SLC4A4: variants seen among roughly 807,000 people sequenced by gnomAD.
SLC4A4 encodes electrogenic sodium bicarbonate cotransporter 1.
SLC4A4 carries 27 observed loss-of-function variants against 111.5 expected under a neutral mutation model. The observed-to-expected ratio is 0.24, with a 90% CI of 0.18 to 0.33. The LOEUF (loss-of-function observed/expected upper bound fraction) is 0.33. SLC4A4 is among the 10% of genes least tolerant of loss of function. The pLI is 1.00. For synonymous variants in SLC4A4, 443 were observed against 463.4 expected (o/e 0.96, Z 0.57); for missense variants, 909 against 1,315.5 (o/e 0.69, Z 4.78).
chr4:71,076,664 T>C (rs1741838445), intron 1 of SLC4A4, among the ~76,000 whole-genome samples: 1 of 152,144 alleles, frequency 6.6e-6, no homozygotes, highest in Non-Finnish European at 1.5e-5. Context: ...TTAAAAGCCA[T>C]CTATTTTTGC....
At chr4:71,134,073 A>T (rs541915151) in intron 2 of SLC4A4, among the ~76,000 whole-genome samples, 1 of 152,332 alleles carries the variant, frequency 6.6e-6, no homozygotes, top group South Asian at 2.1e-4. Context: ...TACATGAATC[A>T]TCTTACCCCA....
Position 71,091,549 on chromosome 4 carries a change from G to C in SLC4A4, c.-64-1181G>C, listed in dbSNP as rs775353130. Among the ~76,000 whole-genome samples the C allele has an allele frequency of 3.3e-5, 5 of 152,126 alleles. No individual in the cohort carries two copies. The South Asian group carries it at 8.3e-4, about 25-fold the overall frequency. On this transcript the variant is annotated intron_variant, in intron 1 of 26. Transcript: ENST00000649996. ...ATTACAGGCGTGAGCCACTGCACCC[G>C]GCCTGGCCAGGAAATATTTTTAGAT...
chr4:71,542,944 C>G (rs1053188172), intron 18 of SLC4A4, among the ~76,000 whole-genome samples: 1 of 152,074 alleles, frequency 6.6e-6, no homozygotes, highest in Non-Finnish European at 1.5e-5. Context: ...TTCTGTGGTA[C>G]GCACTGTGCC....
intron 1 of SLC4A4, among the ~76,000 whole-genome samples, chr4:71,066,471 A>G (rs1741519725): frequency 6.6e-6 from 1 of 152,144 alleles, no homozygotes; most frequent in Non-Finnish European, 1.5e-5. Flanking sequence ...ATTCTAAAGG[A>G]TTTAAAGGTG....
At chr4:71,186,529 G>C (rs1445818691), upstream of SLC4A4, among the ~76,000 whole-genome samples, 1 of 152,072 alleles carries the variant, frequency 6.6e-6, no homozygotes, top group African/African-American at 2.4e-5. Context: ...GGCAAGAGCG[G>C]CCGGTCCGGA....
At chr4:71,101,316 A>G (rs902224615) in intron 2 of SLC4A4, among the ~76,000 whole-genome samples, 1 of 152,184 alleles carries the variant, frequency 6.6e-6, no homozygotes, top group Non-Finnish European at 1.5e-5. Context: ...TTAAAATCAT[A>G]AAAATGATCA....
At chr4:71,440,803 A>G (rs1212308185) in intron 8 of SLC4A4, 30 bp downstream of exon 8, 2 of 1,612,164 alleles carry the variant, frequency 1.2e-6, no homozygotes, top group South Asian at 1.1e-5. Flanking sequence ...GGGGTCTACA[A>G]TGTGCTAATA....
intron 7 of SLC4A4, among the ~76,000 whole-genome samples, chr4:71,399,529 G>GTGTCTT (rs946303251): frequency 6.3e-5 from 9 of 141,974 alleles, no homozygotes; most frequent in Admixed American, 6.1e-4. Context: ...CTCCCTGGTA[G>GTGTCTT]TGTCTTCATC....
chr4:71,194,615 A>G (rs1314815378), intron 1 of SLC4A4, among the ~76,000 whole-genome samples: 1 of 152,208 alleles, frequency 6.6e-6, no homozygotes, highest in Non-Finnish European at 1.5e-5. Flanking sequence ...TATGCCTCCA[A>G]GTAACACACA....
At chr4:71,389,401 C>T (rs979880858) in intron 6 of SLC4A4, among the ~76,000 whole-genome samples, 2 of 152,206 alleles carry the variant, frequency 1.3e-5, no homozygotes, top group Non-Finnish European at 2.9e-5. Flanking sequence ...ATTTTAGTTT[C>T]TCCCAGCTTT....
chr4:71,187,176 G>T (rs1013501446), upstream of SLC4A4: 1 of 151,970 alleles, frequency 6.6e-6, no homozygotes, highest in African/African-American at 2.4e-5. Flanking sequence ...CGCGCCCGGC[G>T]CAGACAACTT....
intron 9 of SLC4A4, 59 bp from the exon 10 acceptor site, chr4:71,450,330 G>A: frequency 8.6e-7 from 1 of 1,164,388 alleles, no homozygotes. Flanking sequence ...GGCTTGATAT[G>A]GTGTGAAGCA....
Position 71,560,140 on chromosome 4 carries a change from C to G in SLC4A4, c.2985C>G (p.Ser995=). 1 of 1,611,250 alleles carries G rather than the reference C, an allele frequency of 6.2e-7. No individual in the cohort carries two copies. Among genetic ancestry groups the G allele is most frequent in the South Asian group, 1.1e-5 (1 of 91,018 alleles). The change falls in exon 23 of 26, where the codon TCC becomes TCG. Residue 995 remains serine (S), a synonymous_variant. Coordinates refer to ENST00000264485, the MANE Select transcript of SLC4A4 (RefSeq NM_001098484.3). ...AVRKGMDYLF[S]QHDLSFLDDV... ...GAAAAGGCATGGACTACCTCTTCTC[C>G]CAGCACGACCTCAGCTTCCTGGATG...
chr4:71,410,698 A>C (rs1279972281), intron 7 of SLC4A4, among the ~76,000 whole-genome samples: 2 of 152,184 alleles, frequency 1.3e-5, no homozygotes, highest in African/African-American at 4.8e-5. Flanking sequence ...TTTTTGGAGA[A>C]GTTCAAGAGA....
intron 16 of SLC4A4, among the ~76,000 whole-genome samples, chr4:71,512,989 G>T (rs1021943796): frequency 3.3e-5 from 5 of 151,958 alleles, no homozygotes; most frequent in Non-Finnish European, 7.4e-5. Flanking sequence ...GTTGGTCTAC[G>T]TGTCTATTTT....
chr4:71,530,783 G>C (rs896164306), intron 16 of SLC4A4, among the ~76,000 whole-genome samples: 1 of 152,074 alleles, frequency 6.6e-6, no homozygotes. Flanking sequence ...TTTAGTTTCT[G>C]TTGACTACCT....
intron 16 of SLC4A4, among the ~76,000 whole-genome samples, chr4:71,522,302 G>T (rs536150547): frequency 6.6e-6 from 1 of 152,158 alleles, no homozygotes; most frequent in Non-Finnish European, 1.5e-5. Context: ...GATTTTCTGT[G>T]GCAGGTGGCT....
intron 2 of SLC4A4, among the ~76,000 whole-genome samples, chr4:71,130,876 G>C (rs1743682983): frequency 6.6e-6 from 1 of 152,156 alleles, no homozygotes; most frequent in Non-Finnish European, 1.5e-5. Flanking sequence ...CTTTGTAGTT[G>C]AGAGAGCTCT....
intron 12 of SLC4A4, among the ~76,000 whole-genome samples, chr4:71,457,703 G>A (rs940035125): frequency 1.3e-5 from 2 of 151,860 alleles, no homozygotes; most frequent in African/African-American, 2.4e-5. Flanking sequence ...CCTAAATAAC[G>A]TGTCCCCTTC....
Sources: gnomAD v4.1 joint callset for allele counts (sites outside exome capture counted in the v4.1 genomes callset) on GRCh38, gnomAD v4.1.1 for gene constraint, MANE v1.5 for transcripts, NCBI Gene and HGNC (gene_info 2026-07-23, HGNC 2026-07-21) for gene names.